SYN3: variants seen among roughly 807,000 people sequenced by gnomAD.
SYN3 encodes the protein synapsin III.
In SYN3, 35 loss-of-function variants were observed where a neutral mutation model predicts 65.8. That is an observed-to-expected ratio of 0.53 (90% CI 0.41 to 0.70). SYN3 has a LOEUF of 0.70. Ranked by LOEUF, SYN3 falls within the 30% of genes least tolerant of loss-of-function variation. The pLI, the probability that SYN3 is intolerant of heterozygous loss-of-function variation, is 0.00. For synonymous variants in SYN3, 270 were observed against 292.9 expected (o/e 0.92, Z 0.80); for missense variants, 680 against 749.0 (o/e 0.91, Z 1.08).
chr22:32,694,811 A>C (rs1179902929), intron 6 of SYN3, among the ~76,000 whole-genome samples: 14 of 152,190 alleles, frequency 9.2e-5, no homozygotes, highest in Non-Finnish European at 2.1e-4. Context: ...CACCTCCTCT[A>C]TTGAACTTAT....
At chr22:32,557,494 T>A (rs533750847) in intron 7 of SYN3, among the ~76,000 whole-genome samples, 1 of 152,254 alleles carries the variant, frequency 6.6e-6, no homozygotes, top group Non-Finnish European at 1.5e-5. Flanking sequence ...GCATTAACTA[T>A]GTGCCAGCAA....
intron 1 of SYN3, among the ~76,000 whole-genome samples, chr22:33,045,404 C>T (rs182659640): frequency 6.6e-5 from 10 of 151,572 alleles, no homozygotes; most frequent in South Asian, 6.3e-4. Flanking sequence ...CTACTCTCAC[C>T]GTCTCTTTTC....
At chr22:32,763,744 TTTTG>T (rs1198287846) in intron 6 of SYN3, among the ~76,000 whole-genome samples, 24 of 152,064 alleles carry the variant, frequency 1.6e-4, no homozygotes, top group Admixed American at 1.6e-3. Context: ...TTTGTTTTTG[TTTTG>T]TTTTTTCACT....
At chr22:32,557,119 A>G (rs2058514855) in intron 7 of SYN3, among the ~76,000 whole-genome samples, 1 of 152,234 alleles carries the variant, frequency 6.6e-6, no homozygotes, top group African/African-American at 2.4e-5. Context: ...CGCTATTTAG[A>G]ATAGTCCTTA....
intron 4 of SYN3, among the ~76,000 whole-genome samples, chr22:32,888,531 C>T (rs1041985225): frequency 2.3e-4 from 35 of 152,316 alleles, no homozygotes; most frequent in Middle Eastern, 3.4e-3. Context: ...TTTAATTTGA[C>T]ATCTCATTAT....
chr22:32,938,692 C>T (rs2050847113), intron 3 of SYN3, among the ~76,000 whole-genome samples: 1 of 151,942 alleles, frequency 6.6e-6, no homozygotes, highest in African/African-American at 2.4e-5. Context: ...TTTGGGAGGC[C>T]AAGACGGGTG....
At chr22:32,913,884 C>T (rs1467522673) in intron 4 of SYN3, among the ~76,000 whole-genome samples, 3 of 152,258 alleles carry the variant, frequency 2.0e-5, no homozygotes, top group South Asian at 4.2e-4. Flanking sequence ...CACTCTTTAA[C>T]GGGAGAGGCA....
chr22:32,793,748 A>C (rs956853455), intron 6 of SYN3, among the ~76,000 whole-genome samples: 2 of 152,238 alleles, frequency 1.3e-5, no homozygotes. Context: ...ATTCATGATT[A>C]AGCACACACC....
intron 6 of SYN3, among the ~76,000 whole-genome samples, chr22:32,616,160 G>A (rs914255866): frequency 6.6e-6 from 1 of 152,166 alleles, no homozygotes; most frequent in Admixed American, 6.5e-5. Flanking sequence ...CCAGGGAAGG[G>A]TGCAGAGTTC....
intron 6 of SYN3, among the ~76,000 whole-genome samples, chr22:32,744,038 A>G (rs1013065196): frequency 6.6e-5 from 10 of 151,246 alleles, no homozygotes; most frequent in African/African-American, 2.4e-4. Flanking sequence ...TGAGATGATG[A>G]CCCCTTTCGT....
intron 6 of SYN3, among the ~76,000 whole-genome samples, chr22:32,826,798 TG>T (rs2047427641): frequency 6.6e-6 from 1 of 152,264 alleles, no homozygotes; most frequent in African/African-American, 2.4e-5. Context: ...CAGGAGTTCA[TG>T]GGGGAGTGAG....
intron 6 of SYN3, among the ~76,000 whole-genome samples, chr22:32,831,679 G>T (rs2047578331): frequency 6.6e-6 from 1 of 152,186 alleles, no homozygotes; most frequent in Non-Finnish European, 1.5e-5. Flanking sequence ...CAGAGCAAAA[G>T]ACCTTACTTG....
chr22:32,530,772 G>A (rs542180893), intron 10 of SYN3, among the ~76,000 whole-genome samples: 3 of 151,822 alleles, frequency 2.0e-5, no homozygotes, highest in Non-Finnish European at 2.9e-5. Flanking sequence ...TGGGAGGCCG[G>A]GGCGGGCGGA....
At chr22:32,955,308 A>G (rs992050258) in intron 3 of SYN3, among the ~76,000 whole-genome samples, 1 of 152,180 alleles carries the variant, frequency 6.6e-6, no homozygotes, top group East Asian at 1.9e-4. Flanking sequence ...AAATGCTGCA[A>G]AGAAAAATGA....
intron 10 of SYN3, among the ~76,000 whole-genome samples, chr22:32,530,870 G>A (rs1192745599): frequency 6.6e-6 from 1 of 151,952 alleles, no homozygotes; most frequent in Non-Finnish European, 1.5e-5. Flanking sequence ...GCCGGGCGTG[G>A]TGGCAGGTGC....
At chr22:32,660,216 C>G (rs2146997850) in intron 6 of SYN3, among the ~76,000 whole-genome samples, 1 of 152,300 alleles carries the variant, frequency 6.6e-6, no homozygotes, top group Non-Finnish European at 1.5e-5. Context: ...CCAAGTTCAC[C>G]TCCTTAAAGG....
chr22:32,818,173 C>T (rs188308764), intron 6 of SYN3, among the ~76,000 whole-genome samples: 1 of 152,358 alleles, frequency 6.6e-6, no homozygotes, highest in East Asian at 1.9e-4. Flanking sequence ...ACTGCCAGTT[C>T]AGTGGCTGCT....
At chr22:32,804,451 A>G (rs1243995017) in intron 6 of SYN3, among the ~76,000 whole-genome samples, 1 of 152,178 alleles carries the variant, frequency 6.6e-6, no homozygotes, top group East Asian at 1.9e-4. Context: ...ACACAACCCC[A>G]CCAGTCAACT....
intron 4 of SYN3, among the ~76,000 whole-genome samples, chr22:32,902,630 C>T (rs4525790): frequency 0.24 from 37,184 of 152,074 alleles, 4,849 homozygotes; most frequent in Non-Finnish European, 0.29. Flanking sequence ...AAAGCATTCA[C>T]ACCAGCTTCT....
Sources: allele counts gnomAD v4.1 joint callset (sites outside exome capture counted in the v4.1 genomes callset), GRCh38; gene constraint gnomAD v4.1.1; transcripts MANE v1.5; gene names NCBI Gene and HGNC (gene_info 2026-07-23, HGNC 2026-07-21).